RIPOR2: variants seen among roughly 807,000 people sequenced by gnomAD.
RIPOR2 encodes the protein RHO family interacting cell polarization regulator 2.
RIPOR2 carries 39 observed loss-of-function variants against 114.5 expected under a neutral mutation model. That is an observed-to-expected ratio of 0.34 (90% CI 0.26 to 0.44). The LOEUF is 0.44. RIPOR2 is among the 20% of genes least tolerant of loss of function. The pLI, the probability that RIPOR2 is intolerant of heterozygous loss-of-function variation, is 1.00. For missense variants in RIPOR2, 1,007 were observed against 1,255.1 expected (o/e 0.80, Z 2.99); for synonymous variants, 445 against 484.4 (o/e 0.92, Z 1.07).
At chr6:24,950,949 G>T (rs1772719189) in intron 1 of RIPOR2, among the ~76,000 whole-genome samples, 1 of 152,184 alleles carries the variant, frequency 6.6e-6, no homozygotes, top group African/African-American at 2.4e-5. Context: ...AGTTTTGAAG[G>T]CAGCATGCCC....
intron 1 of RIPOR2, among the ~76,000 whole-genome samples, chr6:24,962,263 C>G (rs996647714): frequency 3.9e-5 from 6 of 152,200 alleles, no homozygotes; most frequent in African/African-American, 1.2e-4. Flanking sequence ...GCTGCTTGAA[C>G]AAGTTGTTTG....
intron 1 of RIPOR2, among the ~76,000 whole-genome samples, chr6:25,023,013 G>A (rs1338258518): frequency 1.3e-5 from 2 of 151,170 alleles, no homozygotes; most frequent in Admixed American, 6.6e-5. Flanking sequence ...TTTTTTACTA[G>A]TGTATCTTTT....
At chr6:24,878,723 T>A (rs1766059189) in intron 1 of RIPOR2, among the ~76,000 whole-genome samples, 2 of 152,100 alleles carry the variant, frequency 1.3e-5, no homozygotes, top group Admixed American at 1.3e-4. Context: ...TTCACCAATG[T>A]TTGAGAGCCA....
Position 24,878,961 on chromosome 6 carries a change from G to A in RIPOR2, c.62-3144C>T, listed in dbSNP as rs1766084905. ...CTCATTTTCTGTAACAGGTAAACAA[G>A]GTTCTCAAAATCAGAACAAATGTCT... On this transcript the variant is annotated intron_variant, in intron 1 of 21. Coordinates refer to ENST00000643898, the MANE Select transcript of RIPOR2 (RefSeq NM_001286445.3). Among the ~76,000 whole-genome samples the A allele has an allele frequency of 2.2e-5, 2 of 91,774 alleles. 1 individual carries two copies. The highest frequency in any genetic ancestry group is 4.3e-5 in the Non-Finnish European group (2 of 46,606). 60.2% of individuals were successfully genotyped at this position (91,774 alleles called of 152,430 possible). A position where few individuals can be genotyped will look rare whatever the true frequency, so the allele number is the denominator to read the frequency against.
chr6:24,825,773 G>T (rs186491673), intron 18 of RIPOR2, among the ~76,000 whole-genome samples: 4 of 152,196 alleles, frequency 2.6e-5, no homozygotes, highest in Admixed American at 2.6e-4. Context: ...ATATATGTAT[G>T]GCAGACTTAA....
rs1392174486 is a variant in RIPOR2, at chr6:25,005,712, T to G, written c.76+36139A>C. 4.5e-3 allele frequency among the ~76,000 whole-genome samples: 363 copies of G among 81,380 alleles called. 13 individuals carry two copies. Among genetic ancestry groups the G allele is most frequent in the African/African-American group, 0.015 (337 of 23,236 alleles). The allele number at this position is 81,380 out of a possible 152,430, so 53.4% of individuals were successfully genotyped here. A position where few individuals can be genotyped will look rare whatever the true frequency, so the allele number is the denominator to read the frequency against. On this transcript the variant is annotated intron_variant, in intron 1 of 13. Transcript: ENST00000510784. The stretch of plus-strand genomic sequence containing the variant: ...CTATGGAGATATATATATATATATA[T>G]ATATATATATATATATATATATATA...
chr6:24,920,885 A>G (rs1044577828), intron 1 of RIPOR2, among the ~76,000 whole-genome samples: 1 of 151,978 alleles, frequency 6.6e-6, no homozygotes, highest in Non-Finnish European at 1.5e-5. Context: ...ACTTTTTCCC[A>G]TACCCCCAGT....
intron 1 of RIPOR2, among the ~76,000 whole-genome samples, chr6:24,927,916 G>C (rs1440062797): frequency 6.6e-6 from 1 of 152,074 alleles, no homozygotes; most frequent in Non-Finnish European, 1.5e-5. Flanking sequence ...AACAACAATG[G>C]CTTCAGAATT....
At chr6:24,828,574 T>G (rs1168164497) in intron 17 of RIPOR2, among the ~76,000 whole-genome samples, 4 of 152,166 alleles carry the variant, frequency 2.6e-5, no homozygotes. Flanking sequence ...TGGATGGTTT[T>G]GCACATGTGC....
intron 1 of RIPOR2, among the ~76,000 whole-genome samples, chr6:24,906,468 G>C (rs192930509): frequency 1.4e-3 from 208 of 151,966 alleles, no homozygotes; most frequent in Middle Eastern, 0.014. Context: ...TTTTCTTTAG[G>C]GTGACTGTGT....
intron 1 of RIPOR2, among the ~76,000 whole-genome samples, chr6:25,038,029 A>G (rs537533956): frequency 4.6e-5 from 7 of 152,240 alleles, no homozygotes; most frequent in Non-Finnish European, 1.0e-4. Context: ...AAATGTTTCA[A>G]CAGGAAATTA....
chr6:24,849,123 T>C (rs562539062), intron 11 of RIPOR2, among the ~76,000 whole-genome samples: 1 of 152,230 alleles, frequency 6.6e-6, no homozygotes, highest in East Asian at 1.9e-4. Flanking sequence ...CAGGCTGGTC[T>C]CAAACTCCTG....
intron 1 of RIPOR2, among the ~76,000 whole-genome samples, chr6:24,945,546 A>G (rs1392964432): frequency 6.6e-6 from 1 of 152,208 alleles, no homozygotes; most frequent in Admixed American, 6.5e-5. Context: ...ATAATTATAC[A>G]TCTGTGTTGA....
intron 19 of RIPOR2, among the ~76,000 whole-genome samples, chr6:24,823,463 G>C (rs879924699): frequency 6.6e-6 from 1 of 152,176 alleles, no homozygotes; most frequent in Non-Finnish European, 1.5e-5. Context: ...TGTTTAGGAA[G>C]TACACAGTAC....
chr6:24,893,437 T>A (rs1431028436), intron 1 of RIPOR2, among the ~76,000 whole-genome samples: 2 of 152,176 alleles, frequency 1.3e-5, no homozygotes, highest in African/African-American at 4.8e-5. Context: ...ATGGGGGACA[T>A]AGACTGTAGG....
intron 1 of RIPOR2, among the ~76,000 whole-genome samples, chr6:24,912,327 T>C (rs1769695472): frequency 6.6e-6 from 1 of 152,146 alleles, no homozygotes; most frequent in Admixed American, 6.5e-5. Context: ...GATCCTTTTA[T>C]TTCCCTTGCC....
chr6:24,835,929 A>C (rs1020570539), intron 14 of RIPOR2, 58 bp from the exon 15 acceptor site: 47 of 1,520,624 alleles, frequency 3.1e-5, no homozygotes, highest in Non-Finnish European at 4.1e-5. Context: ...CCACAGGTCA[A>C]GTCCACATGG....
intron 1 of RIPOR2, among the ~76,000 whole-genome samples, chr6:24,886,308 A>G (rs79496401): frequency 0.04 from 6,022 of 152,316 alleles, 289 homozygotes; most frequent in African/African-American, 0.11. Context: ...ATTTGCTGAC[A>G]TTCACTGACT....
At chr6:24,958,279 T>C (rs678784) in intron 1 of RIPOR2, among the ~76,000 whole-genome samples, 120,527 of 152,148 alleles carry the variant, frequency 0.79, 51,313 homozygotes, top group East Asian at 0.94. Context: ...AATTTGCATA[T>C]GCACCTTAAT....
Sources: allele counts gnomAD v4.1 joint callset (sites outside exome capture counted in the v4.1 genomes callset), GRCh38; gene constraint gnomAD v4.1.1; transcripts MANE v1.5; gene names NCBI Gene and HGNC (gene_info 2026-07-23, HGNC 2026-07-21).